Variants in MAPRE2 observed in about 807,000 individuals in gnomAD.
MAPRE2 encodes the protein microtubule-associated protein RP/EB family member 2.
A neutral mutation model predicts 43.2 loss-of-function variants in MAPRE2; 13 were observed. That is an observed-to-expected ratio of 0.30 (90% confidence interval 0.20 to 0.48). MAPRE2 has a LOEUF of 0.48. MAPRE2 is among the 20% of genes least tolerant of loss of function. The pLI, the probability that MAPRE2 is intolerant of heterozygous loss-of-function variation, is 0.99. For missense variants in MAPRE2, 161 were observed against 400.2 expected, an observed-to-expected ratio of 0.40 and a Z score of 5.10; for synonymous variants, 135 against 148.8, an observed-to-expected ratio of 0.91 and a Z score of 0.68.
chr18:35,126,002 TG>T (rs1432839722), intron 4 of MAPRE2, among the ~76,000 whole-genome samples: 1 of 152,238 alleles, frequency 6.6e-6, no homozygotes, highest in Non-Finnish European at 1.5e-5. Flanking sequence ...ACGAGCCCTT[TG>T]TGAATCGCTT....
intron 2 of MAPRE2, among the ~76,000 whole-genome samples, chr18:35,083,811 C>A (rs1316631627): frequency 2.6e-5 from 4 of 152,158 alleles, no homozygotes; most frequent in African/African-American, 9.7e-5. Flanking sequence ...CCAGTAAAAT[C>A]TCTATTTTCT....
At chr18:35,093,471 T>G (rs1908255879) in intron 2 of MAPRE2, among the ~76,000 whole-genome samples, 1 of 152,186 alleles carries the variant, frequency 6.6e-6, no homozygotes, top group Non-Finnish European at 1.5e-5. Context: ...GCACTCATGT[T>G]TATTGTAGCA....
chr18:35,103,262 A>C (rs1908759962), intron 4 of MAPRE2, among the ~76,000 whole-genome samples: 1 of 152,216 alleles, frequency 6.6e-6, no homozygotes, highest in African/African-American at 2.4e-5. Flanking sequence ...GTACTCATGT[A>C]GATGAAGAGG....
intron 2 of MAPRE2, among the ~76,000 whole-genome samples, chr18:35,017,548 T>C (rs1274118970): frequency 7.7e-6 from 1 of 129,248 alleles, no homozygotes; most frequent in East Asian, 2.5e-4. Flanking sequence ...CCCTAGGTTT[T>C]TTCTTTTGTT....
At chr18:35,089,917 G>A (rs77945927) in intron 2 of MAPRE2, among the ~76,000 whole-genome samples, 16,196 of 152,130 alleles carry the variant, frequency 0.11, 1,409 homozygotes, top group African/African-American at 0.23. Flanking sequence ...TCAGTAAAAT[G>A]TGGTAATTCA....
intron 1 of MAPRE2, among the ~76,000 whole-genome samples, chr18:35,068,623 C>T (rs1906954099): frequency 6.6e-6 from 1 of 152,218 alleles, no homozygotes; most frequent in Non-Finnish European, 1.5e-5. Flanking sequence ...AAGAGTTAGG[C>T]ACCTCTCCTG....
chr18:35,081,584 T>C (rs1907633799), intron 2 of MAPRE2, among the ~76,000 whole-genome samples: 1 of 152,054 alleles, frequency 6.6e-6, no homozygotes, highest in Non-Finnish European at 1.5e-5. Context: ...GGGATGTTAT[T>C]GGTGTAGATG....
At chr18:35,017,244 GTT>G (rs140257488) in intron 2 of MAPRE2, among the ~76,000 whole-genome samples, 88 of 126,262 alleles carry the variant, frequency 7.0e-4, no homozygotes, top group African/African-American at 1.3e-3. Flanking sequence ...CGGTTTTGTT[GTT>G]TTTTTTTTTT....
chr18:35,033,411 A>T (rs1390844796), intron 2 of MAPRE2, among the ~76,000 whole-genome samples: 2 of 149,520 alleles, frequency 1.3e-5, no homozygotes, highest in East Asian at 3.9e-4. Flanking sequence ...TATCATACTG[A>T]ATGGGCAAAA....
intron 1 of MAPRE2, among the ~76,000 whole-genome samples, chr18:35,069,730 A>G (rs2150622692): frequency 6.6e-6 from 1 of 152,338 alleles, no homozygotes; most frequent in African/African-American, 2.4e-5. Flanking sequence ...AGTTTCATCC[A>G]GGTTTAAATA....
chr18:34,991,600 G>A (rs35973706), intron 1 of MAPRE2, among the ~76,000 whole-genome samples: 25,739 of 152,012 alleles, frequency 0.17, 2,424 homozygotes, highest in East Asian at 0.24. Context: ...CCATCACCAT[G>A]GACACAGCTC....
intron 1 of MAPRE2, among the ~76,000 whole-genome samples, chr18:35,049,788 A>C (rs1224929900): frequency 6.6e-6 from 1 of 152,194 alleles, no homozygotes; most frequent in Non-Finnish European, 1.5e-5. Context: ...TAATTTTCAA[A>C]AGCTTTCAGA....
At chr18:35,095,231 AT>A (rs1908346170) in intron 2 of MAPRE2, among the ~76,000 whole-genome samples, 1 of 152,190 alleles carries the variant, frequency 6.6e-6, no homozygotes, top group South Asian at 2.1e-4. Context: ...TAAGAAAGCC[AT>A]TAAAAATATT....
chr18:35,082,342 A>T (rs1907682663), intron 2 of MAPRE2: 1 of 152,146 alleles, frequency 6.6e-6, no homozygotes, highest in Non-Finnish European at 1.5e-5. Context: ...AGAACTTAAA[A>T]ATGGCATTCT....
intron 1 of MAPRE2, among the ~76,000 whole-genome samples, chr18:35,052,759 A>G (rs952275255): frequency 2.0e-5 from 3 of 152,176 alleles, no homozygotes; most frequent in African/African-American, 4.8e-5. Flanking sequence ...ATCCTTATGG[A>G]TGTAGAATGG....
At chr18:35,053,823 A>G (rs940766987) in intron 1 of MAPRE2, among the ~76,000 whole-genome samples, 4 of 152,238 alleles carry the variant, frequency 2.6e-5, no homozygotes, top group Non-Finnish European at 1.5e-5. Context: ...AGCAGAAAAA[A>G]TAACTAATGG....
intron 2 of MAPRE2, among the ~76,000 whole-genome samples, chr18:35,077,805 G>A (rs887393805): frequency 7.9e-5 from 12 of 152,176 alleles, no homozygotes; most frequent in Middle Eastern, 3.4e-3. Flanking sequence ...ATGATAAGTT[G>A]CTTTCTTTTA....
At chr18:35,127,656 TA>T (rs1202015445) in intron 5 of MAPRE2, 2 of 152,224 alleles carry the variant, frequency 1.3e-5, no homozygotes, top group African/African-American at 4.8e-5. Flanking sequence ...TTGCACACAG[TA>T]AGTTATTACA....
chr18:35,094,404 A>G (rs1242585187), intron 2 of MAPRE2, among the ~76,000 whole-genome samples: 2 of 152,216 alleles, frequency 1.3e-5, no homozygotes, highest in Non-Finnish European at 2.9e-5. Flanking sequence ...ATAGATAGTA[A>G]TACATGTTAT....
Sources: allele counts gnomAD v4.1 joint callset (sites outside exome capture counted in the v4.1 genomes callset), GRCh38; gene constraint gnomAD v4.1.1; transcripts MANE v1.5; gene names NCBI Gene and HGNC (gene_info 2026-07-23, HGNC 2026-07-21).